The following PTP4A2 variants were observed in gnomAD, a reference collection of about 807,000 sequenced individuals.
PTP4A2 encodes the protein protein tyrosine phosphatase 4A2, also known as protein tyrosine phosphatase type IVA 2.
A neutral mutation model predicts 22.9 loss-of-function variants in PTP4A2; 2 were observed. That is an observed-to-expected ratio of 0.09 (90% confidence interval 0.04 to 0.27). The LOEUF (loss-of-function observed/expected upper bound fraction) is 0.27. PTP4A2 is among the 10% of genes least tolerant of loss of function. PTP4A2 has a pLI of 1.00. For synonymous variants in PTP4A2, 68 were observed against 69.1 expected, an observed-to-expected ratio of 0.98 and a Z score of 0.08; for missense variants, 103 against 205.1, an observed-to-expected ratio of 0.50 and a Z score of 3.04.
chr1:31,913,728 T>C, intron 3 of PTP4A2: 2 of 445,632 alleles, frequency 4.5e-6, no homozygotes, highest in Admixed American at 4.9e-5. Flanking sequence ...GGCCTACCAT[T>C]ATCTTCCTCA....
At chr1:31,922,619 TTTCTTTC>T (rs1409513339) in intron 1 of PTP4A2, among the ~76,000 whole-genome samples, 1 of 136,400 alleles carries the variant, frequency 7.3e-6, no homozygotes, top group Non-Finnish European at 1.5e-5. Context: ...TCTTTCTTTC[TTTCTTTC>T]TTTCTTTCTT....
At position 31,922,933 on chromosome 1, in the gene PTP4A2, T is replaced by C. The variant is rs12026474; in HGVS notation, c.-593-3275A>G. On this transcript the variant is annotated intron_variant, in intron 1 of 5. Transcript: ENST00000647444. ...CACCGTGCCCGGCCCAAATACTTTT[T>C]ATCTTTTTTTTTTTTTGAGAGAGAG... Among the ~76,000 whole-genome samples the C allele has an allele frequency of 3.1e-4, 47 of 151,824 alleles. No individual in the cohort carries two copies. The East Asian group carries it at 5.2e-3, about 17-fold the overall frequency.
Position 31,908,093 on chromosome 1 carries a change from A to G in PTP4A2, c.*759T>C, listed in dbSNP as rs1651272410. 1 of 113,928 alleles carries G rather than the reference A, an allele frequency of 8.8e-6. No homozygotes were observed. Among genetic ancestry groups the G allele is most frequent in the African/African-American group, 3.4e-5 (1 of 29,090 alleles). The allele number at this position is 113,928 out of a possible 1,614,324, so 7.1% of individuals were successfully genotyped here. On this transcript the variant is annotated 3_prime_UTR_variant, in exon 6 of 6. Coordinates refer to ENST00000647444, the MANE Select transcript of PTP4A2 (RefSeq NM_080391.4). The stretch of plus-strand genomic sequence containing the variant: ...AACATGAACACCCTTTCATCAGTAA[A>G]GACTAAAAACCACCTGGAAAATATA...
intron 1 of PTP4A2, among the ~76,000 whole-genome samples, chr1:31,924,499 A>C (rs1437783837): frequency 6.6e-6 from 1 of 152,216 alleles, no homozygotes; most frequent in Non-Finnish European, 1.5e-5. Context: ...AATCATAAAC[A>C]ACCTATCACA....
chr1:31,908,726 G>A lies in PTP4A2; in HGVS notation c.*126C>T, dbSNP rs759286444. The A allele has an allele frequency of 3.3e-6, 2 of 603,404 alleles. No individual in the cohort carries two copies. Among genetic ancestry groups the A allele is most frequent in the Non-Finnish European group, 5.9e-6 (2 of 337,608 alleles). The allele number at this position is 603,404 out of a possible 1,614,324, so 37.4% of individuals were successfully genotyped here. A position where few individuals can be genotyped will look rare whatever the true frequency, so the allele number is the denominator to read the frequency against. ...TGCTTTTGTTCCAATCATTAGGAGA[G>A]TGGTTGAGGAGTACTGAATCCATCA... On this transcript the variant is annotated 3_prime_UTR_variant, in exon 6 of 6. Coordinates refer to ENST00000647444, the MANE Select transcript of PTP4A2 (RefSeq NM_080391.4).
At chr1:31,931,460 T>G (rs1457074774) in intron 1 of PTP4A2, among the ~76,000 whole-genome samples, 1 of 152,192 alleles carries the variant, frequency 6.6e-6, no homozygotes, top group Admixed American at 6.5e-5. Flanking sequence ...AGCAACTCTT[T>G]GCTCACTGAG....
chr1:31,920,435 C>T (rs1652086902), intron 1 of PTP4A2, among the ~76,000 whole-genome samples: 1 of 151,156 alleles, frequency 6.6e-6, no homozygotes, highest in South Asian at 2.1e-4. Context: ...GAGAACAAAA[C>T]TCTGTCTCAA....
chr1:31,910,055 T>C lies in PTP4A2; in HGVS notation c.378A>G (p.Ala126=). 1 of 1,613,188 alleles carries C rather than the reference T, an allele frequency of 6.2e-7. No individual in the cohort carries two copies. Among genetic ancestry groups the C allele is most frequent in the Non-Finnish European group, 8.5e-7 (1 of 1,179,556 alleles). The change falls in exon 5 of 6, where the codon GCA becomes GCG. Residue 126 remains alanine, a synonymous_variant. Coordinates refer to ENST00000647444, the MANE Select transcript of PTP4A2 (RefSeq NM_080391.4). The part of the protein sequence containing the change: ...LIECGMKYED[A]VQFIRQKRRG... Reference sequence around the variant, plus strand: ...ATACTCACTGTCTTATAAACTGAACTGCATCTTCGTACTTCATTCCACATT... The same window carrying C: ...ATACTCACTGTCTTATAAACTGAACCGCATCTTCGTACTTCATTCCACATT...
chr1:31,920,740 G>T (rs1013096492), intron 1 of PTP4A2, among the ~76,000 whole-genome samples: 2 of 151,754 alleles, frequency 1.3e-5, no homozygotes, highest in African/African-American at 4.8e-5. Flanking sequence ...GCTTCACCAC[G>T]TTGACCAGGC....
chr1:31,916,355 A>AC (rs1651840133), intron 2 of PTP4A2, among the ~76,000 whole-genome samples: 1 of 147,604 alleles, frequency 6.8e-6, no homozygotes, highest in African/African-American at 2.6e-5. Context: ...CAAAAAAAAA[A>AC]AAAAAAAAAA....
intron 3 of PTP4A2, chr1:31,914,488 C>T (rs1466601245): frequency 3.3e-6 from 1 of 298,918 alleles, no homozygotes; most frequent in Non-Finnish European, 6.7e-6. Context: ...ATTCTTTTTG[C>T]ATCAACTGCC....
chr1:31,914,407 T>G (rs564585311), intron 3 of PTP4A2: 2 of 379,336 alleles, frequency 5.3e-6, no homozygotes, highest in South Asian at 3.9e-5. Context: ...ATTTAGTTTT[T>G]ATTTTCACCA....
chr1:31,935,496 G>A (rs1033596569), intron 1 of PTP4A2: 11 of 152,154 alleles, frequency 7.2e-5, no homozygotes, highest in African/African-American at 2.7e-4. Flanking sequence ...GTAGTATGAC[G>A]TATTGGAAAA....
chr1:31,936,440 C>T (rs1460952599), intron 1 of PTP4A2, among the ~76,000 whole-genome samples: 1 of 152,092 alleles, frequency 6.6e-6, no homozygotes, highest in Non-Finnish European at 1.5e-5. Flanking sequence ...CCATACTACT[C>T]TTTGCTTATA....
At chr1:31,916,382 T>TAGGAC (rs1651846758) in intron 2 of PTP4A2, among the ~76,000 whole-genome samples, 1 of 130,568 alleles carries the variant, frequency 7.7e-6, no homozygotes, top group African/African-American at 2.7e-5. Flanking sequence ...AGAAATCTAC[T>TAGGAC]ATTATAAATT....
In PTP4A2 at chr1:31,913,421, TAG is replaced by T. The variant is rs202169730; in HGVS notation, c.190-1597_190-1596del. Among the ~76,000 whole-genome samples, 25 of 152,334 alleles carry T rather than the reference TAG, an allele frequency of 1.6e-4. 1 individual carries two copies. The East Asian group carries it at 4.6e-3, about 28-fold the overall frequency. On this transcript the variant is annotated intron_variant, in intron 3 of 5. Transcript: ENST00000647444. ...TTTTAATGACTTATTTTCCTCTGGG[TAG>T]ATACCCAGTAATGGGATTGCTGGAT...
chr1:31,924,187 C>G (rs1478992569), intron 1 of PTP4A2: 1 of 152,158 alleles, frequency 6.6e-6, no homozygotes, highest in African/African-American at 2.4e-5. Context: ...ACAGAACAAG[C>G]TTTATCCCAT....
chr1:31,923,165 TC>T (rs1652272842), intron 1 of PTP4A2, among the ~76,000 whole-genome samples: 1 of 151,834 alleles, frequency 6.6e-6, no homozygotes. Flanking sequence ...CACCTTGGCC[TC>T]CCAAAGTGCT....
At chr1:31,914,471 G>T in intron 3 of PTP4A2, 1 of 306,902 alleles carries the variant, frequency 3.3e-6, no homozygotes, top group Admixed American at 4.6e-5. Context: ...CTTACCAATA[G>T]GTCATTATTC....
Sources: allele counts gnomAD v4.1 joint callset (sites outside exome capture counted in the v4.1 genomes callset), GRCh38; gene constraint gnomAD v4.1.1; transcripts MANE v1.5; gene names NCBI Gene and HGNC (gene_info 2026-07-23, HGNC 2026-07-21).